The following DNMT3B variants were observed in gnomAD, a reference collection of about 807,000 sequenced individuals.
DNMT3B encodes DNA (cytosine-5)-methyltransferase 3B.
DNMT3B carries 37 observed loss-of-function variants against 120.2 expected under a neutral mutation model. The observed-to-expected ratio is 0.31, with a 90% CI of 0.24 to 0.40. The LOEUF is 0.40. DNMT3B is among the 10% of genes least tolerant of loss of function. The pLI, the probability that DNMT3B is intolerant of heterozygous loss-of-function variation, is 1.00. For missense variants in DNMT3B, 878 were observed against 1,137.3 expected (o/e 0.77, Z 3.28); for synonymous variants, 412 against 442.8 (o/e 0.93, Z 0.87).
At chr20:32,765,750 CT>C (rs1208508674) in intron 1 of DNMT3B, among the ~76,000 whole-genome samples, 2 of 108,440 alleles carry the variant, frequency 1.8e-5, no homozygotes, top group East Asian at 3.2e-4. Flanking sequence ...TTTATTTTTT[CT>C]TTTTTTCTTT....
chr20:32,793,141 T>C (rs952473644), intron 9 of DNMT3B, among the ~76,000 whole-genome samples: 2 of 152,200 alleles, frequency 1.3e-5, no homozygotes, highest in African/African-American at 4.8e-5. Context: ...ACCAGTACCA[T>C]ATTTCTCCCA....
At chr20:32,782,205 T>C (rs140534114) in intron 3 of DNMT3B, among the ~76,000 whole-genome samples, 1 of 152,246 alleles carries the variant, frequency 6.6e-6, no homozygotes, top group African/African-American at 2.4e-5. Context: ...GGGAAAGGCA[T>C]TAAATTTGTA....
chr20:32,802,904 ATC>A (rs1395502659), intron 20 of DNMT3B, among the ~76,000 whole-genome samples: 5 of 152,166 alleles, frequency 3.3e-5, no homozygotes, highest in Non-Finnish European at 7.3e-5. Flanking sequence ...CCTGCCAGGG[ATC>A]TCTCAAGACT....
chr20:32,772,008 T>C (rs1987775793), intron 1 of DNMT3B, among the ~76,000 whole-genome samples: 1 of 152,196 alleles, frequency 6.6e-6, no homozygotes, highest in Non-Finnish European at 1.5e-5. Context: ...CAATAATTGA[T>C]GTTGCATTAT....
At chr20:32,785,882 C>CTTTT (rs139466345) in intron 4 of DNMT3B, among the ~76,000 whole-genome samples, 1 of 134,422 alleles carries the variant, frequency 7.4e-6, no homozygotes, top group African/African-American at 3.8e-5. Flanking sequence ...TTCTTTCTTT[C>CTTTT]TTTTTTTTTC....
chr20:32,788,124 A>G (rs1979544813), intron 6 of DNMT3B, among the ~76,000 whole-genome samples: 1 of 152,204 alleles, frequency 6.6e-6, no homozygotes, highest in Non-Finnish European at 1.5e-5. Flanking sequence ...ACTTCAGGCC[A>G]TCTGGGCTTA....
intron 7 of DNMT3B, among the ~76,000 whole-genome samples, chr20:32,789,505 A>G (rs1324314104): frequency 1.3e-5 from 2 of 152,230 alleles, no homozygotes; most frequent in Admixed American, 1.3e-4. Flanking sequence ...CTAGCCTTTT[A>G]AAATCTTTCT....
chr20:32,789,544 T>C (rs1979718127), intron 7 of DNMT3B, among the ~76,000 whole-genome samples: 1 of 152,168 alleles, frequency 6.6e-6, no homozygotes, highest in Admixed American at 6.5e-5. Context: ...GGGGAAGAGC[T>C]GTGTTGGGCA....
chr20:32,790,537 C>CT (rs73621668), intron 7 of DNMT3B, among the ~76,000 whole-genome samples: 60,145 of 152,012 alleles, frequency 0.4, 13,174 homozygotes, highest in East Asian at 0.92. Flanking sequence ...GGTTTCCCCC[C>CT]ACCAGAGCCA....
intron 1 of DNMT3B, among the ~76,000 whole-genome samples, chr20:32,762,987 C>G (rs2145821735): frequency 6.6e-6 from 1 of 152,088 alleles, no homozygotes; most frequent in African/African-American, 2.4e-5. Context: ...TCCAGGAGCC[C>G]GAAGAGGAGA....
Position 32,800,004 on chromosome 20 carries a change from ATG to A in DNMT3B, c.1760-144_1760-143del, listed in dbSNP as rs915301452. Reference sequence around the variant, plus strand: ...CCTATATGGAGTTTACACAGCCAATATGTGTGGTGCGTGTACAGCCTTTGCTG... The same window carrying A: ...CCTATATGGAGTTTACACAGCCAATATGTGGTGCGTGTACAGCCTTTGCTG... On this transcript the variant is annotated intron_variant, in intron 16 of 22. Coordinates refer to ENST00000328111, the MANE Select transcript of DNMT3B (RefSeq NM_006892.4). 10 of 1,172,970 alleles carry A rather than the reference ATG, an allele frequency of 8.5e-6. No individual in the cohort carries two copies. In the African/African-American group the frequency reaches 1.2e-4, roughly 14 times the overall value. 72.7% of individuals were successfully genotyped at this position (1,172,970 alleles called of 1,614,324 possible). A position where few individuals can be genotyped will look rare whatever the true frequency, so the allele number is the denominator to read the frequency against.
chr20:32,791,747 G>T, intron 8 of DNMT3B, 39 bp downstream of exon 8: 1 of 1,604,986 alleles, frequency 6.2e-7, no homozygotes, highest in Non-Finnish European at 8.5e-7. Flanking sequence ...AGCCCTGAGA[G>T]CAGGGATGAA....
chr20:32,805,559 C>A, intron 21 of DNMT3B, 152 bp downstream of exon 21: 2 of 848,974 alleles, frequency 2.4e-6, no homozygotes. Flanking sequence ...TGTTCTGTCC[C>A]ATCCTCAAAT....
chr20:32,780,142 C>T lies in DNMT3B; in HGVS notation c.-6-176C>T, dbSNP rs6058885. On this transcript the variant is annotated intron_variant, in intron 1 of 22. Transcript: ENST00000328111. ...TGGAACCAAGTCCTGAGCCTCCAAG[C>T]TTGGTGAGGGGGAGGCTATGGGGGG... The T allele has an allele frequency of 0.064, 103,799 of 1,613,566 alleles. 3,813 individuals carry two copies. Among genetic ancestry groups the T allele is most frequent in the African/African-American group, 0.15 (11,067 of 74,954 alleles).
At chr20:32,807,719 G>T in intron 22 of DNMT3B, 43 bp from the exon 23 acceptor site, 1 of 1,612,554 alleles carries the variant, frequency 6.2e-7, no homozygotes. Context: ...CAACATCCTG[G>T]AGGCACTTCT....
intron 3 of DNMT3B, among the ~76,000 whole-genome samples, chr20:32,783,748 A>G (rs1285548657): frequency 6.6e-6 from 1 of 151,814 alleles, no homozygotes; most frequent in African/African-American, 2.4e-5. Context: ...GTTTTGAGAC[A>G]GAGTCTCCAG....
intron 20 of DNMT3B, among the ~76,000 whole-genome samples, chr20:32,804,286 T>G (rs1382982268): frequency 6.6e-6 from 1 of 152,178 alleles, no homozygotes; most frequent in African/African-American, 2.4e-5. Context: ...GAGCTTAATC[T>G]TATAGTCAGC....
At chr20:32,767,211 A>G (rs973017879) in intron 1 of DNMT3B, among the ~76,000 whole-genome samples, 1 of 151,974 alleles carries the variant, frequency 6.6e-6, no homozygotes, top group Non-Finnish European at 1.5e-5. Flanking sequence ...TCAATTTTTA[A>G]TGGGGTCCTT....
At position 32,805,349 on chromosome 20, in the gene DNMT3B, C is replaced by T. The variant is rs1273316071; in HGVS notation, c.2243C>T (p.Ala748Val). The change falls in exon 21 of 23, where the codon GCA becomes GTA. Residue 748 changes from alanine (A) to valine (V), a missense_variant. Transcript: ENST00000328111. ...TTGGCTGTTCCCAGGCCCGTGATAG[C>T]ATCAAAGAATGATAAACTCGAGCTG... ...NLPGMNRPVI[A>V]SKNDKLELQD... 1 of 1,614,136 alleles carries T rather than the reference C, an allele frequency of 6.2e-7. No individual in the cohort carries two copies. The highest frequency in any genetic ancestry group is 8.5e-7 in the Non-Finnish European group (1 of 1,180,014).
Sources: gnomAD v4.1 joint callset for allele counts (sites outside exome capture counted in the v4.1 genomes callset) on GRCh38, gnomAD v4.1.1 for gene constraint, MANE v1.5 for transcripts, NCBI Gene and HGNC (gene_info 2026-07-23, HGNC 2026-07-21) for gene names.